Variants in DRC8 observed in about 807,000 individuals in gnomAD.
The protein encoded by DRC8 is dynein regulatory complex protein 8.
chr1:245,045,743 T>C, the DRC8 span, among the ~76,000 whole-genome samples: 96,065 of 151,194 alleles, frequency 0.64, 30,812 homozygotes, highest in East Asian at 0.73. Context: ...GGCAGGCCAT[T>C]AGTCTGACTG....
chr1:245,030,368 A>G, the DRC8 span, among the ~76,000 whole-genome samples: 5 of 152,252 alleles, frequency 3.3e-5, no homozygotes, highest in Non-Finnish European at 7.3e-5. Flanking sequence ...AGTATAAGTG[A>G]TAGAAGGTGT....
At chr1:245,091,950 C>G in the DRC8 span, 1 of 152,296 alleles carries the variant, frequency 6.6e-6, no homozygotes, top group African/African-American at 2.4e-5. Flanking sequence ...CTCATGACTC[C>G]TGGCTTCCGC....
At chr1:245,047,381 T>C in the DRC8 span, among the ~76,000 whole-genome samples, 5 of 152,230 alleles carry the variant, frequency 3.3e-5, no homozygotes, top group Non-Finnish European at 7.3e-5. Context: ...ACGCCTGTAA[T>C]CCTAGCACTT....
chr1:244,988,093 GC>G, the DRC8 span, among the ~76,000 whole-genome samples: 2 of 152,100 alleles, frequency 1.3e-5, no homozygotes, highest in Admixed American at 6.6e-5. Flanking sequence ...AGTCTTTGCA[GC>G]ATTTCCATTG....
At chr1:245,069,970 A>G in the DRC8 span, among the ~76,000 whole-genome samples, 1 of 152,166 alleles carries the variant, frequency 6.6e-6, no homozygotes, top group Non-Finnish European at 1.5e-5. Context: ...ACTTTTGCCC[A>G]GGAGTTCAAG....
chr1:245,047,942 T>C, the DRC8 span, among the ~76,000 whole-genome samples: 1 of 138,988 alleles, frequency 7.2e-6, no homozygotes, highest in African/African-American at 2.8e-5. Context: ...GCCACTGCAC[T>C]CCAGCCTGGG....
chr1:245,060,131 G>A, the DRC8 span, among the ~76,000 whole-genome samples: 1 of 152,330 alleles, frequency 6.6e-6, no homozygotes, highest in East Asian at 1.9e-4. Flanking sequence ...GGAGTCTGGG[G>A]ATGGCAAAGG....
the DRC8 span, among the ~76,000 whole-genome samples, chr1:245,080,641 C>A: frequency 6.6e-6 from 1 of 152,100 alleles, no homozygotes; most frequent in Non-Finnish European, 1.5e-5. Context: ...GGACCAGGTC[C>A]TACCAATTTC....
the DRC8 span, among the ~76,000 whole-genome samples, chr1:245,084,076 G>A: frequency 4.0e-4 from 21 of 52,004 alleles, no homozygotes; most frequent in African/African-American, 4.8e-4. Flanking sequence ...CCCCCCCGGC[G>A]CCCCGGCTTT....
chr1:245,058,468 A>C, the DRC8 span, among the ~76,000 whole-genome samples: 1 of 152,166 alleles, frequency 6.6e-6, no homozygotes, highest in African/African-American at 2.4e-5. Context: ...CAGTGAAGAA[A>C]TTTAAAATTC....
chr1:245,080,795 A>G, the DRC8 span, among the ~76,000 whole-genome samples: 9 of 152,164 alleles, frequency 5.9e-5, no homozygotes, highest in Admixed American at 5.9e-4. Flanking sequence ...CATCTATGAG[A>G]CCGTCACTGA....
At chr1:245,101,829 T>C in the DRC8 span, among the ~76,000 whole-genome samples, 1 of 152,222 alleles carries the variant, frequency 6.6e-6, no homozygotes, top group African/African-American at 2.4e-5. Flanking sequence ...ATTATTCTTA[T>C]TGATGTTCAC....
At chr1:244,997,491 G>A in the DRC8 span, among the ~76,000 whole-genome samples, 124,083 of 150,350 alleles carry the variant, frequency 0.83, 51,233 homozygotes, top group East Asian at 1. Context: ...TCACCCTCAT[G>A]TAAAAATTCT....
the DRC8 span, among the ~76,000 whole-genome samples, chr1:244,987,494 A>C: frequency 6.6e-6 from 1 of 151,918 alleles, no homozygotes; most frequent in Non-Finnish European, 1.5e-5. Flanking sequence ...TGTGAGCCAC[A>C]GCTACGGTAT....
the DRC8 span, among the ~76,000 whole-genome samples, chr1:245,033,696 T>C: frequency 5.3e-5 from 8 of 152,106 alleles, no homozygotes; most frequent in Non-Finnish European, 8.8e-5. Context: ...TTTTCTTTTC[T>C]TTTCTCTCTT....
the DRC8 span, among the ~76,000 whole-genome samples, chr1:245,026,581 G>C: frequency 6.6e-6 from 1 of 152,188 alleles, no homozygotes; most frequent in Non-Finnish European, 1.5e-5. Flanking sequence ...GTCTGCATTT[G>C]TGCAATGGAA....
chr1:245,001,701 A>G, the DRC8 span, among the ~76,000 whole-genome samples: 1 of 152,222 alleles, frequency 6.6e-6, no homozygotes, highest in Non-Finnish European at 1.5e-5. Flanking sequence ...CCACTTTAGC[A>G]ACAGTGTGAA....
chr1:245,121,677 C>T, the DRC8 span, among the ~76,000 whole-genome samples: 28 of 152,072 alleles, frequency 1.8e-4, no homozygotes, highest in African/African-American at 6.3e-4. Context: ...GTATGTGCTG[C>T]GTGGGGGAGA....
the DRC8 span, chr1:245,083,600 T>A: frequency 6.2e-7 from 1 of 1,601,160 alleles, no homozygotes; most frequent in Admixed American, 1.7e-5. Context: ...AAATATAATA[T>A]CTATCTTTTC....
Sources: gnomAD v4.1 joint callset for allele counts (sites outside exome capture counted in the v4.1 genomes callset) on GRCh38, gnomAD v4.1.1 for gene constraint, MANE v1.5 for transcripts, NCBI Gene and HGNC (gene_info 2026-07-23, HGNC 2026-07-21) for gene names.